The following ANXA6 variants were observed in gnomAD, a reference collection of about 807,000 sequenced individuals.
ANXA6 encodes 67 kDa calelectrin.
A neutral mutation model predicts 95.4 loss-of-function variants in ANXA6; 71 were observed. That is an observed-to-expected ratio of 0.74 (90% CI 0.61 to 0.91). ANXA6 has a LOEUF of 0.91. ANXA6 is among the 40% of genes least tolerant of loss of function. The pLI is 0.00. For synonymous variants in ANXA6, 289 were observed against 315.9 expected (o/e 0.91, Z 0.90); for missense variants, 830 against 876.4 (o/e 0.95, Z 0.67).
At chr5:151,151,726 T>A (rs886889900) in intron 1 of ANXA6, among the ~76,000 whole-genome samples, 1 of 152,118 alleles carries the variant, frequency 6.6e-6, no homozygotes, top group Non-Finnish European at 1.5e-5. Context: ...AGGAGGGTCA[T>A]CTCCCAGGCC....
chr5:151,140,966 C>A (rs1765819956), intron 2 of ANXA6, among the ~76,000 whole-genome samples: 1 of 152,186 alleles, frequency 6.6e-6, no homozygotes, highest in South Asian at 2.1e-4. Context: ...GTCCTGGGCA[C>A]AGGGGGCCCA....
intron 13 of ANXA6, 43 bp from the exon 14 acceptor site, chr5:151,126,523 T>C (rs1437343453): frequency 4.0e-6 from 6 of 1,496,330 alleles, no homozygotes; most frequent in Non-Finnish European, 5.5e-6. Flanking sequence ...AGGAATGTCA[T>C]CATGGGCAAC....
intron 8 of ANXA6, among the ~76,000 whole-genome samples, 184 bp downstream of exon 8, chr5:151,134,243 T>C (rs575541783): frequency 1.3e-5 from 2 of 152,332 alleles, no homozygotes; most frequent in Admixed American, 6.5e-5. Flanking sequence ...ATATGGGATA[T>C]ACCTTTGAAA....
intron 15 of ANXA6, among the ~76,000 whole-genome samples, chr5:151,123,230 G>T (rs1765222283): frequency 6.6e-6 from 1 of 152,184 alleles, no homozygotes; most frequent in Non-Finnish European, 1.5e-5. Context: ...TGAGGAAAAA[G>T]GACAGCTGGG....
chr5:151,136,779 C>A, intron 6 of ANXA6, among the ~76,000 whole-genome samples: 1 of 152,326 alleles, frequency 6.6e-6, no homozygotes, highest in South Asian at 2.1e-4. Flanking sequence ...AGCCTTGTAC[C>A]GGCTACCAGG....
At position 151,139,451 on chromosome 5, in the gene ANXA6, G is replaced by A; in HGVS notation, c.110-4C>T. On this transcript the variant is annotated splice_polypyrimidine_tract_variant and splice_region_variant and intron_variant, in intron 3 of 25. Transcript: ENST00000354546. The stretch of plus-strand genomic sequence containing the variant: ...AGTATGGCCTCCTTGTCACTGCCTG[G>A]AATAGGGGAGAGCAATCATCATCCT... 3 of 1,607,388 alleles carry A rather than the reference G, an allele frequency of 1.9e-6. No individual in the cohort carries two copies. The highest frequency in any genetic ancestry group is 1.7e-6 in the Non-Finnish European group (2 of 1,174,258).
Position 151,109,839 on chromosome 5 carries a change from G to A in ANXA6, c.1598C>T (p.Ala533Val). The A allele has an allele frequency of 3.7e-6, 6 of 1,602,310 alleles. No individual in the cohort carries two copies. Among genetic ancestry groups the A allele is most frequent in the Non-Finnish European group, 5.1e-6 (6 of 1,173,472 alleles). The change falls in exon 22 of 26, where the codon GCA becomes GTA. Residue 533 changes from alanine (A) to valine (V), a missense_variant. Ala to Val is a moderately conservative substitution (Grantham distance 64). Transcript: ENST00000354546. ...AGTTTTGTCTCCACTAGGTGTGTCT[G>A]CTATTTCCTGCAGAGCCCCAGTTGG... The part of the protein sequence containing the change: ...AQVAAEILEI[A>V]DTPSGDKTSL...
intron 16 of ANXA6, 107 bp from the exon 17 acceptor site, chr5:151,122,367 G>A (rs1765192509): frequency 3.0e-6 from 2 of 658,976 alleles, no homozygotes; most frequent in Non-Finnish European, 2.6e-6. Flanking sequence ...GAGGGATCAT[G>A]GAAGCTTGTG....
At chr5:151,105,438 G>C in intron 23 of ANXA6, 135 bp from the exon 24 acceptor site, 1 of 751,948 alleles carries the variant, frequency 1.3e-6, no homozygotes, top group Non-Finnish European at 2.3e-6. Flanking sequence ...CCAGGGTCAT[G>C]CTCAGACGAC....
At chr5:151,118,133 G>C (rs1765056953) in intron 18 of ANXA6, among the ~76,000 whole-genome samples, 2 of 152,000 alleles carry the variant, frequency 1.3e-5, no homozygotes, top group Non-Finnish European at 2.9e-5. Context: ...CCTCCCTGTT[G>C]TCATTCTCTC....
Position 151,124,508 on chromosome 5 carries a change from C to G in ANXA6, c.1057-141G>C. On this transcript the variant is annotated intron_variant, in intron 14 of 25. Transcript: ENST00000354546. ...GGTGGGGAAAGAGGCAGAGGTGAAGCCACAGCAGACAGACCCTGCACGAGA... is the reference window on the plus strand; with the variant it reads ...GGTGGGGAAAGAGGCAGAGGTGAAGGCACAGCAGACAGACCCTGCACGAGA... The G allele has an allele frequency of 4.4e-6, 3 of 680,148 alleles. No individual in the cohort carries two copies. In the East Asian group the frequency reaches 8.3e-5, roughly 19 times the overall value. The allele number at this position is 680,148 out of a possible 1,614,324, so 42.1% of individuals were successfully genotyped here. A position where few individuals can be genotyped will look rare whatever the true frequency, so the allele number is the denominator to read the frequency against.
intron 5 of ANXA6, among the ~76,000 whole-genome samples, 180 bp downstream of exon 5, chr5:151,138,498 C>T (rs1156454336): frequency 6.6e-6 from 1 of 152,182 alleles, no homozygotes; most frequent in Non-Finnish European, 1.5e-5. Flanking sequence ...ATGTTGACAT[C>T]TGTCTGCATC....
rs1263838417 is a variant in ANXA6 at position 151,138,767 on chromosome 5, C to G, written c.229G>C (p.Glu77Gln). 2 of 1,613,770 alleles carry G rather than the reference C, an allele frequency of 1.2e-6. No homozygotes were observed. The highest frequency in any genetic ancestry group is 2.2e-5 in the South Asian group (2 of 91,048). The change falls in exon 5 of 26, where the codon GAA (glutamate) becomes CAA (glutamine). Residue 77 changes from glutamate (E) to glutamine (Q), a missense_variant. By Grantham distance (29) the Glu-to-Gln change is conservative. Transcript: ENST00000354546. Reference sequence around the variant, plus strand: ...AACCGTTCAAACTTGCCCGTCAATTCATACTTTAAATCAGCAATGAGGTCC... The same window carrying G: ...AACCGTTCAAACTTGCCCGTCAATTGATACTTTAAATCAGCAATGAGGTCC... Reference protein sequence around the residue: ...GKDLIADLKYELTGKFERLIV... With the variant: ...GKDLIADLKYQLTGKFERLIV...
Position 151,139,422 on chromosome 5 carries a change from G to A in ANXA6, c.135C>T (p.Asp45=). The change falls in exon 4 of 26, where the codon GAC becomes GAT. Residue 45 remains aspartate (D), a synonymous_variant. Transcript: ENST00000354546. ...GFGSDKEAIL[D]IITSRSNRQR... is the part of the protein sequence containing the mutation. ...GCCTGTTGCTCCGTGAGGTGATTAT[G>A]TCCAGTATGGCCTCCTTGTCACTGC... 6.2e-7 allele frequency: 1 copy of A among 1,613,604 alleles called. No individual in the cohort carries two copies. Among genetic ancestry groups the A allele is most frequent in the Non-Finnish European group, 8.5e-7 (1 of 1,179,634 alleles).
chr5:151,127,721 T>C (rs533599381), intron 13 of ANXA6, among the ~76,000 whole-genome samples: 13 of 152,334 alleles, frequency 8.5e-5, no homozygotes, highest in Non-Finnish European at 1.5e-4. Flanking sequence ...AACTGGTCTA[T>C]ACCCTTCTGC....
chr5:151,153,599 G>A (rs1046932449), intron 1 of ANXA6, among the ~76,000 whole-genome samples: 1 of 152,172 alleles, frequency 6.6e-6, no homozygotes, highest in African/African-American at 2.4e-5. Context: ...TACTTCAAAG[G>A]AAAACCCTCC....
At chr5:151,152,372 G>A (rs983791070) in intron 1 of ANXA6, among the ~76,000 whole-genome samples, 1 of 152,206 alleles carries the variant, frequency 6.6e-6, no homozygotes, top group Non-Finnish European at 1.5e-5. Context: ...ATCAATGCAG[G>A]ATTTGTGGTC....
chr5:151,122,046 G>C, intron 17 of ANXA6, 101 bp downstream of exon 17: 1 of 670,038 alleles, frequency 1.5e-6, no homozygotes. Flanking sequence ...TATGGGAGGA[G>C]TTCTACCAAG....
intron 20 of ANXA6, among the ~76,000 whole-genome samples, chr5:151,116,918 G>C (rs1765015116): frequency 6.6e-6 from 1 of 152,156 alleles, no homozygotes; most frequent in Non-Finnish European, 1.5e-5. Context: ...CAGCTCTGAG[G>C]GTCCTGCTAT....
Sources: gnomAD v4.1 joint callset for allele counts (sites outside exome capture counted in the v4.1 genomes callset) on GRCh38, gnomAD v4.1.1 for gene constraint, MANE v1.5 for transcripts, NCBI Gene and HGNC (gene_info 2026-07-23, HGNC 2026-07-21) for gene names.